Variants in MYBPC2 observed in about 807,000 individuals in gnomAD.
MYBPC2 encodes myosin binding protein C2, also known as myosin-binding protein C, fast-type.
MYBPC2 carries 122 observed loss-of-function variants against 137.0 expected under a neutral mutation model. The ratio of observed to expected loss-of-function variants is 0.89; its 90% confidence interval spans 0.77 to 1.03. The LOEUF (loss-of-function observed/expected upper bound fraction) is 1.03. MYBPC2 is among the 50% of genes least tolerant of loss of function. The pLI is 0.00. For synonymous variants in MYBPC2, 626 were observed against 612.3 expected (o/e 1.02, Z -0.33); for missense variants, 1,500 against 1,534.4 (o/e 0.98, Z 0.37).
intron 1 of MYBPC2, among the ~76,000 whole-genome samples, chr19:50,434,404 T>G (rs982863049): frequency 2.6e-5 from 4 of 152,100 alleles, no homozygotes; most frequent in Admixed American, 6.6e-5. Context: ...GGACCTTCTC[T>G]GTAGGATATG....
intron 18 of MYBPC2, 42 bp from the exon 19 acceptor site, chr19:50,455,066 G>A (rs1393675736): frequency 6.4e-7 from 1 of 1,552,836 alleles, no homozygotes. Context: ...CATGCCCCAT[G>A]CCCTCCCGTT....
At chr19:50,456,395 T>C (rs1480578029) in intron 20 of MYBPC2, among the ~76,000 whole-genome samples, 1 of 147,024 alleles carries the variant, frequency 6.8e-6, no homozygotes, top group Non-Finnish European at 1.5e-5. Context: ...CATCCATCCA[T>C]CCATCCATCT....
chr19:50,452,777 C>T (rs547183581), intron 16 of MYBPC2, among the ~76,000 whole-genome samples: 30 of 151,798 alleles, frequency 2.0e-4, no homozygotes, highest in Admixed American at 1.2e-3. Context: ...GGGCTGGGCT[C>T]AAACTCCTGA....
chr19:50,450,609 C>T (rs1453070427), intron 13 of MYBPC2, among the ~76,000 whole-genome samples: 1 of 152,110 alleles, frequency 6.6e-6, no homozygotes, highest in African/African-American at 2.4e-5. Context: ...GATATCATTA[C>T]CCCTATTTTA....
At position 50,455,645 on chromosome 19, in the gene MYBPC2, G is replaced by A; in HGVS notation, c.2338+1G>A. On this transcript the variant is annotated splice_donor_variant, in intron 20 of 27. Transcript: ENST00000357701. LOFTEE classifies it high-confidence loss of function. The stretch of plus-strand genomic sequence containing the variant: ...CTGGTGGAGTACTGCCTGGAAGGCT[G>A]TGAGTGACCCTGGCAGGGCTGGTGG... The A allele has an allele frequency of 6.2e-7, 1 of 1,613,610 alleles. No individual in the cohort carries two copies. The highest frequency in any genetic ancestry group is 1.1e-5 in the South Asian group (1 of 91,062).
intron 12 of MYBPC2, among the ~76,000 whole-genome samples, chr19:50,447,546 T>A (rs2039816928): frequency 6.6e-6 from 1 of 151,936 alleles, no homozygotes; most frequent in Non-Finnish European, 1.5e-5. Context: ...CTAGGCAACA[T>A]GGCAAGACCC....
rs767050521 is a variant in MYBPC2, at chr19:50,448,267, T to C, written c.1349T>C (p.Val450Ala). The change falls in exon 13 of 28, where the codon GTG (valine) becomes GCG (alanine). Residue 450 changes from valine to alanine, a missense_variant. Transcript: ENST00000357701. ...EVLQDIADLTVKASEQAVFKC... is the reference protein window; with the variant it reads ...EVLQDIADLTAKASEQAVFKC... ...CTGCAGGACATCGCGGATCTGACGG[T>C]GAAGGCCTCAGAACAAGCTGTGTTC... The C allele has an allele frequency of 2.5e-6, 4 of 1,613,556 alleles. No homozygotes were observed. The highest frequency in any genetic ancestry group is 3.4e-6 in the Non-Finnish European group (4 of 1,179,756).
intron 26 of MYBPC2, among the ~76,000 whole-genome samples, chr19:50,463,161 C>T (rs372171548): frequency 6.6e-5 from 10 of 152,186 alleles, no homozygotes; most frequent in South Asian, 4.1e-4. Flanking sequence ...TATTGGAACA[C>T]GGGCCAAGCA....
chr19:50,460,641 G>A (rs1490009378), intron 24 of MYBPC2, among the ~76,000 whole-genome samples: 1 of 152,198 alleles, frequency 6.6e-6, no homozygotes, highest in South Asian at 2.1e-4. Context: ...TCAGCACAAC[G>A]TCTTTGAAGT....
At position 50,454,099 on chromosome 19, in the gene MYBPC2, G is replaced by A. The variant is rs373805656; in HGVS notation, c.1829G>A (p.Arg610Gln). The change falls in exon 17 of 28, where the codon CGG (arginine) becomes CAG (glutamine). Residue 610 changes from arginine to glutamine, a missense_variant. Arg to Gln is a conservative substitution (Grantham distance 43, BLOSUM62 1). Transcript: ENST00000357701. Reference sequence around the variant, plus strand: ...AGCTTTGTGATTGAGAGTGCGCAGCGGGAAGACGAGGGCCGCTACACCATC... The same window carrying A: ...AGCTTTGTGATTGAGAGTGCGCAGCAGGAAGACGAGGGCCGCTACACCATC... Reference protein sequence around the residue: ...CSSFVIESAQREDEGRYTIKV... With the variant: ...CSSFVIESAQQEDEGRYTIKV... The A allele has an allele frequency of 2.4e-5, 38 of 1,612,190 alleles. No homozygotes were observed. The African/African-American group carries it at 2.9e-4, about 12-fold the overall frequency.
In MYBPC2 at chr19:50,442,218, C is replaced by T. The variant is rs758986482; in HGVS notation, c.807C>T (p.Asp269=). The T allele has an allele frequency of 3.1e-6, 5 of 1,601,630 alleles. No homozygotes were observed. In the South Asian group the frequency reaches 4.5e-5, roughly 14 times the overall value. ...TKKLDPAYQV[D]RGNKIKLMVE... is the part of the protein sequence containing the mutation. ...AGCTGGATCCAGCCTACCAAGTGGA[C>T]AGAGGCAACAAGATCAAGTTGATGG... The change falls in exon 9 of 28, where the codon GAC becomes GAT. Residue 269 remains aspartate, a synonymous_variant. Coordinates refer to ENST00000357701, the MANE Select transcript of MYBPC2 (RefSeq NM_004533.4).
chr19:50,436,852 G>T, intron 5 of MYBPC2, 118 bp downstream of exon 5: 1 of 863,242 alleles, frequency 1.2e-6, no homozygotes. Flanking sequence ...ACAGGTTTTT[G>T]GAGGAGGGAG....
Position 50,435,319 on chromosome 19 carries a change from C to T in MYBPC2, c.109+69C>T, listed in dbSNP as rs1011664625. 9 of 709,146 alleles carry T rather than the reference C, an allele frequency of 1.3e-5. No homozygotes were observed. The highest frequency in any genetic ancestry group is 1.1e-4 in the African/African-American group (6 of 56,232). 43.9% of individuals were successfully genotyped at this position (709,146 alleles called of 1,614,324 possible). On this transcript the variant is annotated intron_variant, in intron 2 of 27. Transcript: ENST00000357701. This position sits in a 1 kb window ranked among gnomAD's most constrained non-coding sequence, Gnocchi z 4.8. Reference sequence around the variant, plus strand: ...CTCCATCCTCCTCGCTACGCCTCTCCAGGCCTTTCCCCAGCCTCTATCCTT... The same window carrying T: ...CTCCATCCTCCTCGCTACGCCTCTCTAGGCCTTTCCCCAGCCTCTATCCTT...
intron 13 of MYBPC2, among the ~76,000 whole-genome samples, chr19:50,450,444 T>C (rs2039845283): frequency 6.6e-6 from 1 of 152,020 alleles, no homozygotes; most frequent in Non-Finnish European, 1.5e-5. Context: ...TATTTATTTA[T>C]TTTCTGTAGA....
intron 5 of MYBPC2, 38 bp downstream of exon 5, chr19:50,436,772 G>A (rs763927633): frequency 1.3e-6 from 2 of 1,587,164 alleles, no homozygotes; most frequent in African/African-American, 2.7e-5. Flanking sequence ...AGGGTTCTAT[G>A]TCTGGGTGGG....
intron 13 of MYBPC2, among the ~76,000 whole-genome samples, chr19:50,449,689 C>G (rs1161187515): frequency 1.3e-5 from 2 of 152,232 alleles, no homozygotes; most frequent in African/African-American, 4.8e-5. Flanking sequence ...TGGGATTCAA[C>G]AGGTGGCACG....
chr19:50,452,466 GTGTATGTATGTA>G (rs746899570), intron 16 of MYBPC2, among the ~76,000 whole-genome samples: 6,273 of 147,098 alleles, frequency 0.043, 214 homozygotes, highest in Non-Finnish European at 0.059. Context: ...CTATGTATCT[GTGTATGTATGTA>G]TGTATGTATG....
chr19:50,448,092 C>T (rs146748077), intron 12 of MYBPC2, 133 bp from the exon 13 acceptor site: 32 of 1,081,424 alleles, frequency 3.0e-5, no homozygotes, highest in African/African-American at 1.3e-4. Flanking sequence ...CCGAGGCCAA[C>T]GGGTTGTTTC....
At chr19:50,445,376 C>G (rs973295590) in intron 11 of MYBPC2, among the ~76,000 whole-genome samples, 1 of 151,272 alleles carries the variant, frequency 6.6e-6, no homozygotes, top group Admixed American at 6.6e-5. Flanking sequence ...GTGACTTCCT[C>G]CTCTCTCTCC....
Sources: allele counts gnomAD v4.1 joint callset (sites outside exome capture counted in the v4.1 genomes callset), GRCh38; gene constraint gnomAD v4.1.1; non-coding constraint Gnocchi (gnomAD v3.1); transcripts MANE v1.5; gene names NCBI Gene and HGNC (gene_info 2026-07-23, HGNC 2026-07-21).